The following DLG2 variants were observed in gnomAD, a reference collection of about 807,000 sequenced individuals.
The protein encoded by DLG2 is disks large homolog 2.
A neutral mutation model predicts 132.5 loss-of-function variants in DLG2; 45 were observed. The ratio of observed to expected loss-of-function variants is 0.34; its 90% CI spans 0.27 to 0.44. The LOEUF is 0.44. Ranked by LOEUF, DLG2 falls within the 20% of genes least tolerant of loss-of-function variation. The probability of loss-of-function intolerance (pLI) is 1.00; values close to 1 mark genes in which losing one functional copy is unlikely to be tolerated. For synonymous variants in DLG2, 424 were observed against 419.6 expected, an observed-to-expected ratio of 1.01 and a Z score of -0.13; for missense variants, 1,045 against 1,196.9, an observed-to-expected ratio of 0.87 and a Z score of 1.87.
intron 6 of DLG2, among the ~76,000 whole-genome samples, chr11:85,018,835 T>C (rs2059792538): frequency 6.6e-6 from 1 of 152,040 alleles, no homozygotes; most frequent in South Asian, 2.1e-4. Context: ...TAAGGACTTG[T>C]TTATTTTGAG....
At chr11:83,995,134 G>T (rs1015991367) in intron 11 of DLG2, among the ~76,000 whole-genome samples, 5 of 151,988 alleles carry the variant, frequency 3.3e-5, no homozygotes, top group Non-Finnish European at 5.9e-5. Context: ...TTTCAGGGAC[G>T]CAATTCAACT....
intron 17 of DLG2, among the ~76,000 whole-genome samples, chr11:83,801,583 G>C (rs1043416787): frequency 7.9e-5 from 12 of 152,214 alleles, no homozygotes; most frequent in Middle Eastern, 3.4e-3. Context: ...TTTGACTGGA[G>C]TGCTCTTACC....
At chr11:85,109,629 T>C (rs1257997759) in intron 6 of DLG2, among the ~76,000 whole-genome samples, 1 of 152,144 alleles carries the variant, frequency 6.6e-6, no homozygotes, top group Non-Finnish European at 1.5e-5. Flanking sequence ...CTTATATTAA[T>C]ATTTTGGGCT....
intron 6 of DLG2, among the ~76,000 whole-genome samples, chr11:85,022,156 G>T (rs2060131807): frequency 6.6e-6 from 1 of 151,648 alleles, no homozygotes; most frequent in African/African-American, 2.4e-5. Context: ...TAGACTTAAG[G>T]CACTATGGTT....
intron 14 of DLG2, among the ~76,000 whole-genome samples, chr11:83,961,909 T>C (rs2088891388): frequency 6.6e-6 from 1 of 152,072 alleles, no homozygotes; most frequent in Admixed American, 6.6e-5. Flanking sequence ...TTCCATTCCT[T>C]GGCTAAAGAT....
At chr11:84,137,313 C>A (rs1178443080) in intron 9 of DLG2, among the ~76,000 whole-genome samples, 1 of 152,092 alleles carries the variant, frequency 6.6e-6, no homozygotes, top group Non-Finnish European at 1.5e-5. Flanking sequence ...TTAAAACTCA[C>A]AACCATACTC....
intron 6 of DLG2, among the ~76,000 whole-genome samples, chr11:85,102,099 T>C (rs996477992): frequency 3.3e-5 from 5 of 151,934 alleles, no homozygotes; most frequent in Non-Finnish European, 7.4e-5. Flanking sequence ...AAAGCATAGC[T>C]AATTAAAAAA....
intron 4 of DLG2, among the ~76,000 whole-genome samples, chr11:85,266,445 AG>A (rs2077216489): frequency 6.6e-6 from 1 of 152,216 alleles, no homozygotes; most frequent in South Asian, 2.1e-4. Context: ...AACATCACAC[AG>A]TAGGGCCTGT....
At chr11:84,502,499 G>C (rs1439415506) in intron 7 of DLG2, among the ~76,000 whole-genome samples, 3 of 149,672 alleles carry the variant, frequency 2.0e-5, no homozygotes, top group East Asian at 2.0e-4. Flanking sequence ...AGGTACAAGC[G>C]ATTCTCGTTA....
chr11:85,516,193 T>G (rs1325768649), intron 3 of DLG2, among the ~76,000 whole-genome samples: 1 of 152,036 alleles, frequency 6.6e-6, no homozygotes, highest in Non-Finnish European at 1.5e-5. Flanking sequence ...AATCTTCTCC[T>G]GAATAATCTT....
chr11:85,526,474 T>A (rs1021189217), intron 3 of DLG2, among the ~76,000 whole-genome samples: 2 of 152,180 alleles, frequency 1.3e-5, no homozygotes, highest in East Asian at 1.9e-4. Flanking sequence ...AAATAGGACA[T>A]TGAAATGCTG....
chr11:85,482,695 G>T (rs1200784294), intron 3 of DLG2, among the ~76,000 whole-genome samples: 1 of 152,074 alleles, frequency 6.6e-6, no homozygotes, highest in Admixed American at 6.5e-5. Context: ...GTGATCCTAA[G>T]CTCCAAACCA....
intron 18 of DLG2, among the ~76,000 whole-genome samples, chr11:83,732,459 T>C (rs1415829056): frequency 6.6e-6 from 1 of 152,200 alleles, no homozygotes; most frequent in Non-Finnish European, 1.5e-5. Flanking sequence ...TTTCTGTAAC[T>C]TCAACATGTT....
At chr11:83,481,255 G>A (rs1279717994) in intron 22 of DLG2, among the ~76,000 whole-genome samples, 1 of 152,016 alleles carries the variant, frequency 6.6e-6, no homozygotes, top group Non-Finnish European at 1.5e-5. Context: ...ACAGGGATGT[G>A]TTGGTTATAT....
chr11:84,809,204 T>C (rs1004338351), intron 6 of DLG2, among the ~76,000 whole-genome samples: 4 of 152,090 alleles, frequency 2.6e-5, no homozygotes, highest in African/African-American at 7.2e-5. Context: ...CATTTCAATC[T>C]ATGCAGAAAA....
At chr11:83,841,971 G>A (rs934607525) in intron 16 of DLG2, among the ~76,000 whole-genome samples, 1 of 152,218 alleles carries the variant, frequency 6.6e-6, no homozygotes, top group Non-Finnish European at 1.5e-5. Context: ...AAGTAGCCAA[G>A]AGTAAGGAGC....
intron 10 of DLG2, among the ~76,000 whole-genome samples, chr11:84,059,711 T>C (rs2096561194): frequency 6.6e-6 from 1 of 152,150 alleles, no homozygotes; most frequent in Admixed American, 6.5e-5. Context: ...ACTGGTCAGT[T>C]CCCATCCTAA....
chr11:84,649,134 G>T (rs539985141), intron 6 of DLG2, among the ~76,000 whole-genome samples: 1 of 152,112 alleles, frequency 6.6e-6, no homozygotes, highest in African/African-American at 2.4e-5. Context: ...ATTTTTCTTT[G>T]CAGGTTTGTT....
chr11:84,326,337 T>C (rs1262242487), intron 7 of DLG2, among the ~76,000 whole-genome samples: 1 of 152,192 alleles, frequency 6.6e-6, no homozygotes, highest in Non-Finnish European at 1.5e-5. Context: ...TTTGAGATCT[T>C]TCTTCCTTTT....
Sources: allele counts gnomAD v4.1 joint callset (sites outside exome capture counted in the v4.1 genomes callset), GRCh38; gene constraint gnomAD v4.1.1; transcripts MANE v1.5; gene names NCBI Gene and HGNC (gene_info 2026-07-23, HGNC 2026-07-21).